Variants in PHF24 observed in about 807,000 individuals in gnomAD.
PHF24 encodes PHD finger protein 24, also known as Galpha inhibitory interacting protein.
PHF24 carries 25 observed loss-of-function variants against 42.6 expected under a neutral mutation model. The observed-to-expected ratio is 0.59, with a 90% confidence interval of 0.43 to 0.82. The LOEUF is 0.82. Ranked by LOEUF, PHF24 falls within the 40% of genes least tolerant of loss-of-function variation. The pLI is 0.00. For missense variants in PHF24, 470 were observed against 538.1 expected (o/e 0.87, Z 1.25); for synonymous variants, 185 against 204.8 (o/e 0.90, Z 0.83).
the PHF24 span, among the ~76,000 whole-genome samples, chr9:34,703,455 C>T: frequency 6.6e-6 from 1 of 152,136 alleles, no homozygotes; most frequent in Non-Finnish European, 1.5e-5. Context: ...AGGCATGAGC[C>T]ACTGCCCCCA....
exon 8 of PHF24, chr9:34,982,059 T>G (rs1827410712): frequency 6.6e-6 from 1 of 152,184 alleles, no homozygotes; most frequent in African/African-American, 2.4e-5. Flanking sequence ...CTGGGCCACA[T>G]GCCCCAGTGA....
At chr9:34,767,396 G>T in the PHF24 span, among the ~76,000 whole-genome samples, 1 of 152,256 alleles carries the variant, frequency 6.6e-6, no homozygotes, top group Admixed American at 6.5e-5. Flanking sequence ...ACCTAAGCAA[G>T]CCTGGGCAAT....
the PHF24 span, among the ~76,000 whole-genome samples, chr9:34,715,691 C>T: frequency 6.6e-6 from 1 of 152,144 alleles, no homozygotes; most frequent in South Asian, 2.1e-4. Flanking sequence ...AAAGGAGGTA[C>T]ACATGGCTGA....
the PHF24 span, among the ~76,000 whole-genome samples, chr9:34,950,108 TTGAC>T: frequency 2.9e-4 from 44 of 151,862 alleles, no homozygotes; most frequent in Middle Eastern, 3.4e-3. Flanking sequence ...AAAAAAAGAA[TTGAC>T]TGGTGACGGG....
the PHF24 span, among the ~76,000 whole-genome samples, chr9:34,878,582 C>G: frequency 1.3e-5 from 2 of 152,238 alleles, no homozygotes; most frequent in Non-Finnish European, 2.9e-5. Flanking sequence ...ACACCTGGCT[C>G]AGAGGGTCCC....
the PHF24 span, among the ~76,000 whole-genome samples, chr9:34,937,044 CG>C: frequency 1.4e-5 from 2 of 145,724 alleles, no homozygotes; most frequent in Admixed American, 6.7e-5. Context: ...GCCCCCCCCC[CG>C]GGCCAGCCGC....
intron 1 of PHF24, among the ~76,000 whole-genome samples, chr9:34,966,577 G>A (rs554093842): frequency 4.3e-5 from 6 of 140,250 alleles, no homozygotes; most frequent in Admixed American, 2.8e-4. Flanking sequence ...GTAATATGGC[G>A]AGACCCCCCC....
chr9:34,780,708 A>G, the PHF24 span, among the ~76,000 whole-genome samples: 1 of 152,218 alleles, frequency 6.6e-6, no homozygotes, highest in Non-Finnish European at 1.5e-5. Context: ...AAATCATTTG[A>G]CAAAAGCCCA....
the PHF24 span, among the ~76,000 whole-genome samples, chr9:34,687,231 C>T: frequency 6.6e-6 from 1 of 152,304 alleles, no homozygotes; most frequent in East Asian, 1.9e-4. Flanking sequence ...AGGCACTTCA[C>T]TAGCTCCTAG....
the PHF24 span, among the ~76,000 whole-genome samples, chr9:34,687,592 C>T: frequency 5.1e-4 from 77 of 152,320 alleles, no homozygotes; most frequent in African/African-American, 1.5e-3. Context: ...ATGGAGGTAG[C>T]GTCCAGGGGC....
chr9:34,855,433 A>C, the PHF24 span, among the ~76,000 whole-genome samples: 1 of 152,074 alleles, frequency 6.6e-6, no homozygotes, highest in South Asian at 2.1e-4. Flanking sequence ...TTCCCTATGT[A>C]GTGCTTATTT....
the PHF24 span, among the ~76,000 whole-genome samples, chr9:34,865,937 T>C: frequency 2.6e-5 from 4 of 152,150 alleles, no homozygotes; most frequent in Non-Finnish European, 5.9e-5. Context: ...CACAAGGCAA[T>C]AGAAAGTCAG....
the PHF24 span, among the ~76,000 whole-genome samples, chr9:34,694,556 C>T: frequency 6.6e-6 from 1 of 152,112 alleles, no homozygotes. Context: ...TGGTCTTGAA[C>T]TCCTGACCTC....
chr9:34,911,186 TA>T, the PHF24 span, among the ~76,000 whole-genome samples: 25 of 151,578 alleles, frequency 1.6e-4, no homozygotes, highest in African/African-American at 5.3e-4. Flanking sequence ...AGACTTTTTT[TA>T]AAAAAAAACT....
the PHF24 span, among the ~76,000 whole-genome samples, chr9:34,905,234 G>T: frequency 6.6e-6 from 1 of 152,250 alleles, no homozygotes. Flanking sequence ...AGCTGCAGAG[G>T]CAGGGAGGGC....
At chr9:34,970,832 C>G (rs143558507) in intron 1 of PHF24, among the ~76,000 whole-genome samples, 5 of 152,316 alleles carry the variant, frequency 3.3e-5, no homozygotes, top group Admixed American at 2.0e-4. Context: ...AGAGTGCTTT[C>G]CAGTCTACGA....
the PHF24 span, among the ~76,000 whole-genome samples, chr9:34,780,746 C>G: frequency 1.5e-4 from 23 of 152,276 alleles, no homozygotes; most frequent in Admixed American, 8.5e-4. Context: ...ATAAATCCTA[C>G]AACTCAACTA....
chr9:34,820,095 T>C, the PHF24 span, among the ~76,000 whole-genome samples: 1 of 151,000 alleles, frequency 6.6e-6, no homozygotes, highest in East Asian at 1.9e-4. Flanking sequence ...AATATTAATA[T>C]AGCCACTCCA....
chr9:34,843,966 A>G, the PHF24 span, among the ~76,000 whole-genome samples: 2 of 152,046 alleles, frequency 1.3e-5, no homozygotes, highest in African/African-American at 4.8e-5. Context: ...TACTGTTTCA[A>G]TCTCCATATT....
Sources: allele counts gnomAD v4.1 joint callset (sites outside exome capture counted in the v4.1 genomes callset), GRCh38; gene constraint gnomAD v4.1.1; transcripts MANE v1.5; gene names NCBI Gene and HGNC (gene_info 2026-07-23, HGNC 2026-07-21).